Variants in CPNE4 observed in about 807,000 individuals in gnomAD.
The protein encoded by CPNE4 is copine 4.
CPNE4 carries 25 observed loss-of-function variants against 67.9 expected under a neutral mutation model. The observed-to-expected ratio is 0.37, with a 90% CI of 0.27 to 0.51. CPNE4 has a LOEUF of 0.51. Ranked by LOEUF, CPNE4 falls within the 20% of genes least tolerant of loss-of-function variation. The pLI is 0.93. For synonymous variants in CPNE4, 242 were observed against 244.9 expected (o/e 0.99, Z 0.11); for missense variants, 464 against 690.8 (o/e 0.67, Z 3.68).
intron 1 of CPNE4, among the ~76,000 whole-genome samples, chr3:132,022,882 G>A (rs1560801891): frequency 6.6e-6 from 1 of 152,200 alleles, no homozygotes; most frequent in Middle Eastern, 3.4e-3. Context: ...AGCAGCCCCC[G>A]TCATTCGCTT....
At chr3:131,744,888 T>C (rs2082450574) in intron 2 of CPNE4, among the ~76,000 whole-genome samples, 1 of 152,220 alleles carries the variant, frequency 6.6e-6, no homozygotes, top group African/African-American at 2.4e-5. Flanking sequence ...GGGGGTGTTA[T>C]AAACATTTGT....
At chr3:131,920,080 G>A (rs58740561) in intron 1 of CPNE4, among the ~76,000 whole-genome samples, 17,375 of 152,002 alleles carry the variant, frequency 0.11, 1,097 homozygotes, top group Middle Eastern at 0.17. Flanking sequence ...AGGTCACTCC[G>A]CTGCCCAACA....
chr3:131,937,260 C>A (rs759891825), intron 1 of CPNE4, among the ~76,000 whole-genome samples: 2 of 152,128 alleles, frequency 1.3e-5, no homozygotes, highest in African/African-American at 4.8e-5. Flanking sequence ...GTTTATCACA[C>A]GCTCTAAAGA....
At chr3:132,016,483 C>T (rs2073891605) in intron 1 of CPNE4, among the ~76,000 whole-genome samples, 1 of 152,168 alleles carries the variant, frequency 6.6e-6, no homozygotes, top group Non-Finnish European at 1.5e-5. Flanking sequence ...GAGCCCATCA[C>T]CAGCTGAAGA....
chr3:131,843,073 A>G (rs1263208553), intron 2 of CPNE4, among the ~76,000 whole-genome samples: 3 of 152,212 alleles, frequency 2.0e-5, no homozygotes, highest in Non-Finnish European at 4.4e-5. Context: ...CAATTTGCCC[A>G]TAGTAAAAAT....
At chr3:131,700,101 T>C (rs2081260423) in intron 3 of CPNE4, 121 bp from the exon 4 acceptor site, 2 of 536,310 alleles carry the variant, frequency 3.7e-6, no homozygotes, top group South Asian at 2.4e-5. Flanking sequence ...TTCACGTTTG[T>C]GTCAATTTAT....
chr3:131,700,011 G>T (rs764911303), intron 3 of CPNE4, 31 bp from the exon 4 acceptor site: 26 of 1,465,916 alleles, frequency 1.8e-5, no homozygotes, highest in Non-Finnish European at 2.3e-5. Flanking sequence ...GGTAACAAAA[G>T]GTAGAGATAC....
intron 2 of CPNE4, among the ~76,000 whole-genome samples, chr3:131,866,386 T>C (rs1019542718): frequency 6.6e-6 from 1 of 152,130 alleles, no homozygotes; most frequent in African/African-American, 2.4e-5. Context: ...GGTTGAAAAA[T>C]GACAGTGGCA....
chr3:131,933,249 G>C (rs887696630), intron 1 of CPNE4, among the ~76,000 whole-genome samples: 1 of 152,162 alleles, frequency 6.6e-6, no homozygotes, highest in Non-Finnish European at 1.5e-5. Flanking sequence ...GAAGAGAATA[G>C]AGAGGAGGTC....
At chr3:131,900,557 C>T (rs1461143) in intron 2 of CPNE4, among the ~76,000 whole-genome samples, 113,807 of 151,964 alleles carry the variant, frequency 0.75, 42,960 homozygotes, top group African/African-American at 0.83. Context: ...CAAGGTCACA[C>T]GACTGTCTGA....
At chr3:131,690,902 C>T (rs1319552441) in intron 5 of CPNE4, among the ~76,000 whole-genome samples, 2 of 152,122 alleles carry the variant, frequency 1.3e-5, no homozygotes, top group Non-Finnish European at 2.9e-5. Flanking sequence ...AGGACATGAG[C>T]AGACACTTCT....
intron 7 of CPNE4, among the ~76,000 whole-genome samples, chr3:131,645,735 A>G (rs1368144352): frequency 6.6e-6 from 1 of 152,194 alleles, no homozygotes; most frequent in African/African-American, 2.4e-5. Context: ...CATTTCTAAA[A>G]TAACAGGTCC....
intron 2 of CPNE4, among the ~76,000 whole-genome samples, chr3:131,861,731 C>T (rs190208103): frequency 4.0e-5 from 6 of 151,748 alleles, no homozygotes; most frequent in Non-Finnish European, 8.8e-5. Flanking sequence ...CCAAGCCCGG[C>T]CTAGGATATC....
chr3:131,576,804 A>G (rs1937559775), intron 9 of CPNE4, among the ~76,000 whole-genome samples: 1 of 152,104 alleles, frequency 6.6e-6, no homozygotes, highest in Non-Finnish European at 1.5e-5. Flanking sequence ...GAACGATTTC[A>G]GCAGGTTTTG....
At chr3:131,938,488 G>A (rs2071292011) in intron 1 of CPNE4, among the ~76,000 whole-genome samples, 1 of 152,098 alleles carries the variant, frequency 6.6e-6, no homozygotes, top group Admixed American at 6.5e-5. Context: ...CTGCTATAAA[G>A]ATACTACCTG....
rs2073223074 is a variant in CPNE4 at position 131,993,560 on chromosome 3, T to C, written c.-2+41007A>G. Among the ~76,000 whole-genome samples, 2 of 130,886 alleles carry C rather than the reference T, an allele frequency of 1.5e-5. 1 individual carries two copies. The highest frequency in any genetic ancestry group is 3.4e-5 in the Non-Finnish European group (2 of 58,658). 85.9% of individuals were successfully genotyped at this position (130,886 alleles called of 152,430 possible). On this transcript the variant is annotated intron_variant, in intron 1 of 15. Transcript: ENST00000429747. ...TGTCTGTGAAAACATGGGTTCTGCA[T>C]AAGACCAACATCCTAAAGTGCAGCA... is the stretch of plus-strand genomic sequence containing the variant.
chr3:131,609,476 A>T (rs950493862), intron 7 of CPNE4, among the ~76,000 whole-genome samples: 1 of 152,118 alleles, frequency 6.6e-6, no homozygotes, highest in Non-Finnish European at 1.5e-5. Flanking sequence ...GAGGTGTGAG[A>T]CTTTAGGCTT....
chr3:131,580,075 G>A (rs1303268395), intron 9 of CPNE4, among the ~76,000 whole-genome samples: 1 of 152,008 alleles, frequency 6.6e-6, no homozygotes, highest in Non-Finnish European at 1.5e-5. Flanking sequence ...ATTTTTAAAA[G>A]TTACCTCAGC....
At chr3:131,881,322 G>C (rs1049001531) in intron 2 of CPNE4, among the ~76,000 whole-genome samples, 2 of 152,102 alleles carry the variant, frequency 1.3e-5, no homozygotes, top group Admixed American at 1.3e-4. Context: ...CTCAATCATA[G>C]AATTGTCCTG....
Sources: gnomAD v4.1 joint callset for allele counts (sites outside exome capture counted in the v4.1 genomes callset) on GRCh38, gnomAD v4.1.1 for gene constraint, MANE v1.5 for transcripts, NCBI Gene and HGNC (gene_info 2026-07-23, HGNC 2026-07-21) for gene names.